PCDH15: variants seen among roughly 807,000 people sequenced by gnomAD.
PCDH15 encodes protocadherin related 15.
In PCDH15, 129 loss-of-function variants were observed where a neutral mutation model predicts 178.5. The observed-to-expected ratio is 0.72, with a 90% confidence interval of 0.63 to 0.84. The LOEUF (loss-of-function observed/expected upper bound fraction) is 0.84. Among genes scored for constraint, PCDH15 ranks in the 40% least tolerant of loss-of-function variants. The probability of loss-of-function intolerance (pLI) is 0.00; values close to 1 mark genes in which losing one functional copy is unlikely to be tolerated. For synonymous variants in PCDH15, 800 were observed against 732.0 expected (o/e 1.09, Z -1.50); for missense variants, 2,230 against 2,099.9 (o/e 1.06, Z -1.21).
Position 54,532,139 on chromosome 10 carries a change from C to T in PCDH15, c.92-4262G>A, listed in dbSNP as rs183907201. Among the ~76,000 whole-genome samples, 5 of 152,204 alleles carry T rather than the reference C, an allele frequency of 3.3e-5. No individual in the cohort carries two copies. The East Asian group carries it at 9.7e-4, about 29-fold the overall frequency. On this transcript the variant is annotated intron_variant, in intron 2 of 37. Coordinates refer to ENST00000644397, the MANE Select transcript of PCDH15 (RefSeq NM_001384140.1). Reference sequence around the variant, plus strand: ...ACTGCTTTCCTTACAATCAATCTTGCCCTTACTCTGAGTTAATTTTCTGTC... The same window carrying T: ...ACTGCTTTCCTTACAATCAATCTTGTCCTTACTCTGAGTTAATTTTCTGTC...
At chr10:54,517,817 C>T (rs1462223255) in intron 3 of PCDH15, among the ~76,000 whole-genome samples, 1 of 151,806 alleles carries the variant, frequency 6.6e-6, no homozygotes, top group African/African-American at 2.4e-5. Flanking sequence ...GGAAGTAAAG[C>T]ACTCCCCAGC....
rs78975500 is a variant in PCDH15 at position 55,209,210 on chromosome 10, G to A, written c.-155-42559C>T. 2.2e-3 allele frequency among the ~76,000 whole-genome samples: 337 copies of A among 152,256 alleles called. 3 individuals are homozygous for A. The highest frequency in any genetic ancestry group is 7.6e-3 in the African/African-American group (317 of 41,516). On this transcript the variant is annotated intron_variant, in intron 1 of 5. Coordinates refer to the PCDH15 transcript ENST00000458638. ...CACTGAAACAACAGAGTGGAGGCTGGTGGAATGTGTAAAGGAGATGGAGAC... is the reference window on the plus strand; with the variant it reads ...CACTGAAACAACAGAGTGGAGGCTGATGGAATGTGTAAAGGAGATGGAGAC...
chr10:54,810,650 C>T (rs1952848892), intron 3 of PCDH15, among the ~76,000 whole-genome samples: 1 of 152,052 alleles, frequency 6.6e-6, no homozygotes, highest in South Asian at 2.1e-4. Context: ...CAAGTGTCAA[C>T]CCCTAGAGTG....
intron 2 of PCDH15, among the ~76,000 whole-genome samples, chr10:55,329,789 C>T (rs1280624643): frequency 6.6e-6 from 1 of 151,706 alleles, no homozygotes; most frequent in Admixed American, 6.6e-5. Context: ...ATTACTTATA[C>T]AGAGTTTTAG....
chr10:55,365,630 T>C (rs571464376), intron 2 of PCDH15, among the ~76,000 whole-genome samples: 55 of 150,790 alleles, frequency 3.6e-4, no homozygotes, highest in African/African-American at 1.3e-3. Flanking sequence ...TGCGCTGTTC[T>C]CATGAGAGAG....
intron 8 of PCDH15, among the ~76,000 whole-genome samples, chr10:54,279,465 G>A (rs569099494): frequency 1.3e-5 from 2 of 151,682 alleles, no homozygotes; most frequent in South Asian, 2.1e-4. Flanking sequence ...AAAAATGTTC[G>A]CTGTTGTGGA....
chr10:54,248,319 A>T (rs2056185933), intron 8 of PCDH15, among the ~76,000 whole-genome samples: 1 of 152,048 alleles, frequency 6.6e-6, no homozygotes, highest in Non-Finnish European at 1.5e-5. Flanking sequence ...AAAATAAGAT[A>T]GTCTGCCAGA....
At chr10:54,756,752 A>G (rs939277334) in intron 1 of PCDH15, among the ~76,000 whole-genome samples, 1 of 151,958 alleles carries the variant, frequency 6.6e-6, no homozygotes, top group Non-Finnish European at 1.5e-5. Context: ...GAAACTATGG[A>G]TACTTCCTTT....
chr10:55,407,735 G>T (rs976028268), intron 2 of PCDH15, among the ~76,000 whole-genome samples: 1 of 152,140 alleles, frequency 6.6e-6, no homozygotes, highest in Non-Finnish European at 1.5e-5. Flanking sequence ...CATGTGTACT[G>T]ATTACTTATA....
intron 3 of PCDH15, among the ~76,000 whole-genome samples, chr10:54,455,537 C>T (rs531453970): frequency 3.2e-4 from 49 of 152,140 alleles, no homozygotes; most frequent in African/African-American, 1.1e-3. Flanking sequence ...TTTTGCCCCG[C>T]AGAACTTTGA....
intron 2 of PCDH15, among the ~76,000 whole-genome samples, chr10:55,538,615 CTTCCTCCTTTCCTTCCTTCCTCCCTTCCT>C (rs1841663521): frequency 6.4e-5 from 4 of 62,412 alleles, no homozygotes; most frequent in African/African-American, 3.2e-4. Context: ...TCCTTCCTTC[CTTCCTCCTTTCCTTCCTTCCTCCCTTCCT>C]TCCTTTCCTT....
At chr10:54,726,655 T>C (rs1942579568) in intron 1 of PCDH15, among the ~76,000 whole-genome samples, 1 of 151,412 alleles carries the variant, frequency 6.6e-6, no homozygotes, top group Non-Finnish European at 1.5e-5. Flanking sequence ...ATCTAAGGAA[T>C]CTAGCAAAAT....
At chr10:55,546,330 T>C (rs563927850) in intron 2 of PCDH15, among the ~76,000 whole-genome samples, 2 of 152,276 alleles carry the variant, frequency 1.3e-5, no homozygotes, top group African/African-American at 4.8e-5. Context: ...AGTATATTAG[T>C]TGTACAGATA....
intron 2 of PCDH15, among the ~76,000 whole-genome samples, chr10:55,413,591 C>A (rs1838400246): frequency 6.6e-6 from 1 of 151,374 alleles, no homozygotes; most frequent in Non-Finnish European, 1.5e-5. Flanking sequence ...CAACTTTAAA[C>A]AAAAGAGACT....
chr10:54,240,626 C>CTTTTTTTTTTTTTT (rs1228784141), intron 8 of PCDH15, among the ~76,000 whole-genome samples: 1 of 79,662 alleles, frequency 1.3e-5, no homozygotes, highest in Non-Finnish European at 2.3e-5. Context: ...TTTTCTTTTG[C>CTTTTTTTTTTTTTT]TTTTTTTTTT....
intron 1 of PCDH15, among the ~76,000 whole-genome samples, chr10:54,716,873 C>G (rs1405952435): frequency 6.8e-6 from 1 of 148,126 alleles, no homozygotes; most frequent in African/African-American, 2.5e-5. Context: ...TACAAGGCTA[C>G]AGTAACCAAA....
intron 11 of PCDH15, among the ~76,000 whole-genome samples, chr10:54,191,605 G>C (rs1264696036): frequency 6.6e-6 from 1 of 152,034 alleles, no homozygotes; most frequent in African/African-American, 2.4e-5. Flanking sequence ...AGAGGAATAG[G>C]TGTCATAAAA....
At chr10:54,233,484 C>T (rs112203992) in intron 9 of PCDH15, among the ~76,000 whole-genome samples, 2 of 152,216 alleles carry the variant, frequency 1.3e-5, no homozygotes, top group Admixed American at 6.5e-5. Context: ...CCATTTTTGT[C>T]AGAGAATAGA....
At chr10:54,820,628 T>C (rs982222582) in intron 3 of PCDH15, among the ~76,000 whole-genome samples, 4 of 152,084 alleles carry the variant, frequency 2.6e-5, no homozygotes, top group Admixed American at 1.3e-4. Context: ...AATATCCTGA[T>C]TTGTGATGTT....
Sources: gnomAD v4.1 joint callset for allele counts (sites outside exome capture counted in the v4.1 genomes callset) on GRCh38, gnomAD v4.1.1 for gene constraint, MANE v1.5 for transcripts, NCBI Gene and HGNC (gene_info 2026-07-23, HGNC 2026-07-21) for gene names.